ASTN2: variants seen among roughly 807,000 people sequenced by gnomAD.
ASTN2 encodes astrotactin 2.
A neutral mutation model predicts 139.8 loss-of-function variants in ASTN2; 54 were observed. The ratio of observed to expected loss-of-function variants is 0.39; its 90% CI spans 0.31 to 0.48. The LOEUF (loss-of-function observed/expected upper bound fraction) is 0.48. Ranked by LOEUF, ASTN2 falls within the 20% of genes least tolerant of loss-of-function variation. The pLI, the probability that ASTN2 is intolerant of heterozygous loss-of-function variation, is 0.95. For missense variants in ASTN2, 1,565 were observed against 1,725.1 expected (o/e 0.91, Z 1.64); for synonymous variants, 756 against 719.5 (o/e 1.05, Z -0.81).
chr9:117,187,422 C>T (rs904342350), intron 3 of ASTN2, among the ~76,000 whole-genome samples: 27 of 152,080 alleles, frequency 1.8e-4, no homozygotes, highest in African/African-American at 6.0e-4. Context: ...TGATTGTCTC[C>T]TCTGAAACTC....
chr9:117,048,657 T>G (rs1838816492), intron 5 of ASTN2, among the ~76,000 whole-genome samples: 1 of 152,302 alleles, frequency 6.6e-6, no homozygotes, highest in East Asian at 1.9e-4. Context: ...ATGAAGATGA[T>G]AGAGATGGTA....
intron 1 of ASTN2, among the ~76,000 whole-genome samples, chr9:117,324,302 C>A (rs574641936): frequency 6.6e-6 from 1 of 152,154 alleles, no homozygotes; most frequent in African/African-American, 2.4e-5. Context: ...TCCATTCTCA[C>A]ACTGCTATAA....
At chr9:116,804,057 G>T (rs1830967600) in intron 13 of ASTN2, among the ~76,000 whole-genome samples, 1 of 151,964 alleles carries the variant, frequency 6.6e-6, no homozygotes, top group African/African-American at 2.4e-5. Context: ...TGTCAGAGGG[G>T]CCATTTCTAT....
intron 19 of ASTN2, among the ~76,000 whole-genome samples, chr9:116,614,149 G>A (rs2131809160): frequency 6.6e-6 from 1 of 152,220 alleles, no homozygotes; most frequent in East Asian, 1.9e-4. Context: ...AAAATACCTA[G>A]GAATCCAACT....
chr9:116,596,591 A>C (rs866754897), intron 19 of ASTN2, among the ~76,000 whole-genome samples: 5 of 152,230 alleles, frequency 3.3e-5, no homozygotes, highest in Admixed American at 1.3e-4. Flanking sequence ...AAATGTATGC[A>C]ATTTTTATAT....
chr9:116,690,373 A>C (rs1860503771), intron 16 of ASTN2, among the ~76,000 whole-genome samples: 1 of 152,222 alleles, frequency 6.6e-6, no homozygotes, highest in Non-Finnish European at 1.5e-5. Context: ...TTGGGATACA[A>C]ACCCAGTTCT....
intron 7 of ASTN2, among the ~76,000 whole-genome samples, chr9:116,999,455 G>A (rs1044483073): frequency 1.3e-5 from 2 of 151,688 alleles, no homozygotes; most frequent in African/African-American, 2.4e-5. Context: ...ACTCAAGGTC[G>A]ACTGGCAAAT....
At chr9:117,331,773 G>A (rs1828718546) in intron 1 of ASTN2, among the ~76,000 whole-genome samples, 1 of 152,118 alleles carries the variant, frequency 6.6e-6, no homozygotes. Flanking sequence ...AACCAAAAAC[G>A]AAGTCTGTGA....
At chr9:117,020,660 A>G (rs1837852818) in intron 6 of ASTN2, among the ~76,000 whole-genome samples, 1 of 152,122 alleles carries the variant, frequency 6.6e-6, no homozygotes, top group African/African-American at 2.4e-5. Flanking sequence ...ACACTTTCAG[A>G]GGAGTCAGCA....
Position 116,944,680 on chromosome 9 carries a change from T to C in ASTN2, c.1889+30528A>G, listed in dbSNP as rs1317267569. On this transcript the variant is annotated intron_variant, in intron 10 of 22. Transcript: ENST00000313400. ...CTGGGCGACAGAGTAAGACTCTGTC[T>C]CAAAAAAAAAAAAAAAAAAAAAAGC... 1.5e-3 allele frequency among the ~76,000 whole-genome samples: 65 copies of C among 44,072 alleles called. No homozygotes were observed. The East Asian group carries it at 0.031, about 21-fold the overall frequency. 28.9% of individuals were successfully genotyped at this position (44,072 alleles called of 152,430 possible).
At chr9:117,290,207 G>T (rs1834553712) in intron 2 of ASTN2, among the ~76,000 whole-genome samples, 1 of 152,158 alleles carries the variant, frequency 6.6e-6, no homozygotes, top group South Asian at 2.1e-4. Context: ...ATCTGGCAGA[G>T]CCGTACTAAA....
intron 3 of ASTN2, among the ~76,000 whole-genome samples, chr9:117,172,935 T>C (rs571835159): frequency 1.6e-4 from 25 of 152,208 alleles, no homozygotes; most frequent in African/African-American, 5.8e-4. Context: ...ATGGGCCAAA[T>C]TGTGTGAAAT....
intron 16 of ASTN2, among the ~76,000 whole-genome samples, chr9:116,672,343 G>A (rs1225271803): frequency 6.6e-6 from 1 of 151,734 alleles, no homozygotes; most frequent in Non-Finnish European, 1.5e-5. Context: ...TCCACCCTGG[G>A]TGACAGAATG....
chr9:116,660,172 A>G (rs555005365), intron 16 of ASTN2, among the ~76,000 whole-genome samples: 76 of 127,050 alleles, frequency 6.0e-4, no homozygotes, highest in African/African-American at 3.6e-3. Context: ...GCAAGCGCAC[A>G]CACACACACA....
intron 10 of ASTN2, among the ~76,000 whole-genome samples, chr9:116,893,340 C>T (rs182715006): frequency 1.1e-4 from 16 of 152,318 alleles, no homozygotes; most frequent in Non-Finnish European, 1.8e-4. Context: ...ATCCAATCCC[C>T]TATTAGAGAA....
intron 20 of ASTN2, among the ~76,000 whole-genome samples, chr9:116,466,771 G>C (rs777217096): frequency 2.0e-5 from 3 of 152,116 alleles, no homozygotes; most frequent in Non-Finnish European, 4.4e-5. Context: ...GGTCATGCCT[G>C]GTGCTAAAAA....
chr9:116,893,829 T>C (rs1184888063), intron 10 of ASTN2, among the ~76,000 whole-genome samples: 1 of 152,196 alleles, frequency 6.6e-6, no homozygotes, highest in African/African-American at 2.4e-5. Flanking sequence ...CCAAGCCCAC[T>C]GCCAGGTTAA....
intron 17 of ASTN2, among the ~76,000 whole-genome samples, chr9:116,634,628 ATTTTTT>A: frequency 6.6e-6 from 1 of 150,560 alleles, no homozygotes; most frequent in Non-Finnish European, 1.5e-5. Flanking sequence ...AAGCAAAATA[ATTTTTT>A]AACAGCTGTT....
chr9:116,858,301 G>T (rs1832791920), intron 11 of ASTN2, among the ~76,000 whole-genome samples: 1 of 152,190 alleles, frequency 6.6e-6, no homozygotes, highest in Admixed American at 6.5e-5. Context: ...CCAGGAAAGT[G>T]AGCTATGAAC....
Sources: gnomAD v4.1 joint callset for allele counts (sites outside exome capture counted in the v4.1 genomes callset) on GRCh38, gnomAD v4.1.1 for gene constraint, MANE v1.5 for transcripts, NCBI Gene and HGNC (gene_info 2026-07-23, HGNC 2026-07-21) for gene names.